Variants in SUPT3H observed in about 807,000 individuals in gnomAD.
The protein encoded by SUPT3H is transcription initiation protein SPT3 homolog.
SUPT3H carries 44 observed loss-of-function variants against 44.3 expected under a neutral mutation model. The observed-to-expected ratio is 0.99, with a 90% CI of 0.78 to 1.28. The LOEUF (loss-of-function observed/expected upper bound fraction) is 1.28. Ranked by LOEUF, SUPT3H falls within the 50% of genes most tolerant of loss-of-function variation. The pLI, the probability that SUPT3H is intolerant of heterozygous loss-of-function variation, is 0.00. For synonymous variants in SUPT3H, 124 were observed against 125.6 expected (o/e 0.99, Z 0.09); for missense variants, 380 against 387.1 (o/e 0.98, Z 0.15).
chr6:44,935,182 C>A (rs1165699929), intron 9 of SUPT3H, among the ~76,000 whole-genome samples: 1 of 151,610 alleles, frequency 6.6e-6, no homozygotes, highest in Non-Finnish European at 1.5e-5. Flanking sequence ...TTTTTTCCAC[C>A]TCAACAAATA....
chr6:45,015,795 G>GCACA (rs111999224), intron 4 of SUPT3H, among the ~76,000 whole-genome samples: 395 of 149,634 alleles, frequency 2.6e-3, no homozygotes, highest in African/African-American at 5.1e-3. Flanking sequence ...ACACACGCGC[G>GCACA]CGCACACACA....
intron 10 of SUPT3H, among the ~76,000 whole-genome samples, chr6:44,904,760 C>T (rs1200067644): frequency 6.6e-6 from 1 of 152,180 alleles, no homozygotes; most frequent in African/African-American, 2.4e-5. Context: ...CGCTACCTGA[C>T]TTCAAACTAT....
At chr6:44,985,865 A>G (rs960196524) in intron 6 of SUPT3H, among the ~76,000 whole-genome samples, 1 of 152,174 alleles carries the variant, frequency 6.6e-6, no homozygotes, top group African/African-American at 2.4e-5. Flanking sequence ...AATGATCAAG[A>G]GGTAAGCAAT....
At chr6:45,290,201 A>G (rs1037976438) in intron 2 of SUPT3H, among the ~76,000 whole-genome samples, 4 of 152,140 alleles carry the variant, frequency 2.6e-5, no homozygotes, top group African/African-American at 4.8e-5. Flanking sequence ...AAAAAATTAA[A>G]TATATTTTTC....
At chr6:44,860,777 G>A (rs1774519912) in intron 10 of SUPT3H, among the ~76,000 whole-genome samples, 1 of 152,066 alleles carries the variant, frequency 6.6e-6, no homozygotes, top group South Asian at 2.1e-4. Context: ...AAACTATATG[G>A]ACTAGAAACC....
rs563092545 is a variant in SUPT3H at position 45,218,666 on chromosome 6, G to A, written c.102-112660C>T. On this transcript the variant is annotated intron_variant, in intron 2 of 10. Transcript: ENST00000371459. ...GGAGAATCACTTGAACCTGGGAGGC[G>A]GAGGTTGCGGTGAGCTGAGATCACG... Among the ~76,000 whole-genome samples, 20 of 152,280 alleles carry A rather than the reference G, an allele frequency of 1.3e-4. 1 individual carries two copies. In the East Asian group the frequency reaches 2.5e-3, roughly 19 times the overall value.
intron 2 of SUPT3H, among the ~76,000 whole-genome samples, chr6:45,269,975 G>C (rs1034062821): frequency 3.3e-5 from 5 of 151,964 alleles, no homozygotes; most frequent in African/African-American, 1.2e-4. Flanking sequence ...GGCAACCACG[G>C]ATCTATCCTG....
intron 10 of SUPT3H, among the ~76,000 whole-genome samples, chr6:44,847,886 T>C (rs911788769): frequency 6.5e-4 from 98 of 151,882 alleles, no homozygotes; most frequent in African/African-American, 2.2e-3. Flanking sequence ...TGGAGATGTA[T>C]GGATTCCACT....
intron 10 of SUPT3H, among the ~76,000 whole-genome samples, chr6:44,919,848 T>A (rs531105804): frequency 6.6e-6 from 1 of 152,138 alleles, no homozygotes; most frequent in African/African-American, 2.4e-5. Flanking sequence ...CTCACACCAG[T>A]CTCTTCTCAA....
chr6:45,274,567 A>T (rs1190076205), intron 2 of SUPT3H, among the ~76,000 whole-genome samples: 1 of 152,146 alleles, frequency 6.6e-6, no homozygotes, highest in Non-Finnish European at 1.5e-5. Context: ...CTTTTGAATT[A>T]TTTCAGAACC....
intron 2 of SUPT3H, among the ~76,000 whole-genome samples, chr6:45,285,471 C>T (rs1429741567): frequency 6.6e-6 from 1 of 152,014 alleles, no homozygotes; most frequent in African/African-American, 2.4e-5. Context: ...AGAGCCAAAT[C>T]GTGAGTGAAC....
At chr6:45,046,194 A>G (rs1429916915) in intron 3 of SUPT3H, among the ~76,000 whole-genome samples, 1 of 152,226 alleles carries the variant, frequency 6.6e-6, no homozygotes, top group Non-Finnish European at 1.5e-5. Flanking sequence ...ACCTTTCCCC[A>G]TTAAATTATC....
intron 4 of SUPT3H, among the ~76,000 whole-genome samples, chr6:45,017,302 T>C (rs1465324342): frequency 2.7e-5 from 4 of 149,998 alleles, no homozygotes; most frequent in Non-Finnish European, 5.9e-5. Flanking sequence ...GGTTGCCTGT[T>C]CACTCTGATG....
intron 3 of SUPT3H, among the ~76,000 whole-genome samples, chr6:45,087,872 GAAACA>G (rs1439574451): frequency 6.6e-6 from 1 of 151,858 alleles, no homozygotes; most frequent in Non-Finnish European, 1.5e-5. Context: ...GTTTGAAAAA[GAAACA>G]AAACTAAACA....
At chr6:45,037,906 A>G (rs1252255503) in intron 3 of SUPT3H, among the ~76,000 whole-genome samples, 2 of 151,992 alleles carry the variant, frequency 1.3e-5, no homozygotes, top group Non-Finnish European at 2.9e-5. Flanking sequence ...CTCTACAATT[A>G]ACTTTTCTTA....
intron 3 of SUPT3H, among the ~76,000 whole-genome samples, chr6:45,037,492 C>CA (rs757168354): frequency 0.019 from 2,468 of 129,160 alleles, 35 homozygotes; most frequent in South Asian, 0.042. Flanking sequence ...ACTAAAAATA[C>CA]AAAAAAAAAA....
intron 2 of SUPT3H, among the ~76,000 whole-genome samples, chr6:45,188,817 A>C (rs1311779550): frequency 6.6e-6 from 1 of 152,084 alleles, no homozygotes; most frequent in Non-Finnish European, 1.5e-5. Flanking sequence ...AACCACCCTT[A>C]AATGATGGTA....
intron 6 of SUPT3H, among the ~76,000 whole-genome samples, chr6:44,996,808 T>A (rs2183295): frequency 0.98 from 148,756 of 151,844 alleles, 72,878 homozygotes; most frequent in Middle Eastern, 1. Flanking sequence ...TTTATACCAA[T>A]TTTTTAATAT....
intron 2 of SUPT3H, among the ~76,000 whole-genome samples, chr6:45,327,732 CT>C (rs11438577): frequency 0.42 from 61,953 of 148,198 alleles, 13,443 homozygotes; most frequent in Non-Finnish European, 0.5. Context: ...TTAAGGTAAA[CT>C]TTTTTTTTTT....
Sources: gnomAD v4.1 joint callset for allele counts (sites outside exome capture counted in the v4.1 genomes callset) on GRCh38, gnomAD v4.1.1 for gene constraint, MANE v1.5 for transcripts, NCBI Gene and HGNC (gene_info 2026-07-23, HGNC 2026-07-21) for gene names.